Variants in MACROD2 observed in about 807,000 individuals in gnomAD.
The protein encoded by MACROD2 is ADP-ribose glycohydrolase MACROD2.
MACROD2 carries 36 observed loss-of-function variants against 70.4 expected under a neutral mutation model. That is an observed-to-expected ratio of 0.51 (90% confidence interval 0.39 to 0.68). MACROD2 has a LOEUF of 0.68. Among genes scored for constraint, MACROD2 ranks in the 30% least tolerant of loss-of-function variants. The pLI is 0.00. For synonymous variants in MACROD2, 172 were observed against 178.8 expected, an observed-to-expected ratio of 0.96 and a Z score of 0.30; for missense variants, 496 against 538.4, an observed-to-expected ratio of 0.92 and a Z score of 0.78.
intron 5 of MACROD2, among the ~76,000 whole-genome samples, chr20:14,861,816 C>T (rs975491891): frequency 6.7e-6 from 1 of 148,272 alleles, no homozygotes; most frequent in African/African-American, 2.5e-5. Flanking sequence ...CTCTTGACAA[C>T]GTTCCTTCTT....
chr20:15,273,781 G>C (rs2077366736), intron 6 of MACROD2, among the ~76,000 whole-genome samples: 1 of 151,986 alleles, frequency 6.6e-6, no homozygotes, highest in African/African-American at 2.4e-5. Context: ...TCAAATCATA[G>C]ACTCTGACAA....
rs916030688 is a variant in MACROD2, at chr20:14,937,856, C to T, written c.418+252897C>T. ...CTCCCACCCCCTTACCCTTCCTAGC[C>T]TCTAGTAACCACCAATCTACTCTAT... On this transcript the variant is annotated intron_variant, in intron 5 of 17. Transcript: ENST00000684519. 2.6e-5 allele frequency among the ~76,000 whole-genome samples: 4 copies of T among 152,072 alleles called. No individual in the cohort carries two copies. In the East Asian group the frequency reaches 7.7e-4, roughly 29 times the overall value.
Position 14,399,021 on chromosome 20 carries a change from A to ATT in MACROD2, c.272-94443_272-94442dup, listed in dbSNP as rs57218208. ...AAAAAGTTTTTATGCCTCAATGAGT[A>ATT]TTTTTTTTTTTTTTTTGAGGTGGAG... On this transcript the variant is annotated intron_variant, in intron 3 of 17. Transcript: ENST00000684519. Among the ~76,000 whole-genome samples, 172 of 139,098 alleles carry ATT rather than the reference A, an allele frequency of 1.2e-3. 1 individual carries two copies. The highest frequency in any genetic ancestry group is 2.6e-3 in the African/African-American group (98 of 37,910). 91.3% of individuals were successfully genotyped at this position (139,098 alleles called of 152,430 possible). A position where few individuals can be genotyped will look rare whatever the true frequency, so the allele number is the denominator to read the frequency against.
intron 3 of MACROD2, among the ~76,000 whole-genome samples, chr20:14,262,490 A>T (rs2082108900): frequency 6.6e-6 from 1 of 152,232 alleles, no homozygotes; most frequent in Non-Finnish European, 1.5e-5. Flanking sequence ...AAGTGTCTTG[A>T]CTAAAGTTCG....
chr20:15,856,587 C>T (rs2147155027), intron 8 of MACROD2, among the ~76,000 whole-genome samples: 1 of 152,246 alleles, frequency 6.6e-6, no homozygotes, highest in South Asian at 2.1e-4. Flanking sequence ...TTTGTCTAAA[C>T]ATATACTCTG....
At chr20:14,099,735 A>G (rs2054273554) in intron 3 of MACROD2, among the ~76,000 whole-genome samples, 1 of 152,184 alleles carries the variant, frequency 6.6e-6, no homozygotes, top group Non-Finnish European at 1.5e-5. Flanking sequence ...GGATATATGC[A>G]TAGGACACTG....
intron 5 of MACROD2, among the ~76,000 whole-genome samples, chr20:14,723,753 C>A (rs1480655102): frequency 6.6e-6 from 1 of 151,716 alleles, no homozygotes; most frequent in African/African-American, 2.4e-5. Context: ...TGTATCTGGT[C>A]ATATCCCTTG....
intron 3 of MACROD2, among the ~76,000 whole-genome samples, chr20:14,206,880 A>G (rs774355108): frequency 3.3e-5 from 5 of 152,118 alleles, no homozygotes; most frequent in Admixed American, 6.5e-5. Context: ...ATATTTCTTA[A>G]CTGAGTACAT....
At chr20:14,467,328 T>A (rs1228971310) in intron 3 of MACROD2, among the ~76,000 whole-genome samples, 8 of 152,102 alleles carry the variant, frequency 5.3e-5, no homozygotes, top group Admixed American at 5.2e-4. Flanking sequence ...CGTAGGACCC[T>A]CCGAGCCAGT....
At chr20:14,595,568 C>A (rs547642625) in intron 4 of MACROD2, among the ~76,000 whole-genome samples, 1 of 152,240 alleles carries the variant, frequency 6.6e-6, no homozygotes, top group Non-Finnish European at 1.5e-5. Context: ...TTCTTTAACC[C>A]CTCCATATTT....
intron 15 of MACROD2, among the ~76,000 whole-genome samples, chr20:16,003,074 C>CA (rs1568700473): frequency 6.4e-4 from 24 of 37,666 alleles, no homozygotes; most frequent in African/African-American, 1.3e-3. Context: ...GAAAACCCAC[C>CA]CACCCACCCA....
In MACROD2 at chr20:14,006,451, G is replaced by T. The variant is rs139242231; in HGVS notation, c.163+4047G>T. Among the ~76,000 whole-genome samples the T allele has an allele frequency of 4.0e-3, 615 of 152,100 alleles. 1 individual carries two copies. Among genetic ancestry groups the T allele is most frequent in the East Asian group, 0.01 (52 of 5,182 alleles). Reference sequence around the variant, plus strand: ...TCTATAAATGAGTATCTGTGTATATGCATATGTATGTATCTCTAAAAGATG... The same window carrying T: ...TCTATAAATGAGTATCTGTGTATATTCATATGTATGTATCTCTAAAAGATG... On this transcript the variant is annotated intron_variant, in intron 2 of 17. Coordinates refer to ENST00000684519, the MANE Select transcript of MACROD2 (RefSeq NM_001351661.2).
At chr20:15,489,622 C>T (rs763768766) in intron 7 of MACROD2, among the ~76,000 whole-genome samples, 4 of 152,196 alleles carry the variant, frequency 2.6e-5, no homozygotes, top group Non-Finnish European at 4.4e-5. Flanking sequence ...GTCCTCTGGG[C>T]ATAGCTTATG....
chr20:15,852,984 C>T (rs149519688), intron 8 of MACROD2, among the ~76,000 whole-genome samples: 6 of 152,076 alleles, frequency 3.9e-5, no homozygotes, highest in African/African-American at 1.2e-4. Flanking sequence ...GCACTCCAGC[C>T]GGAAGGACAG....
intron 3 of MACROD2, among the ~76,000 whole-genome samples, chr20:14,405,409 A>T (rs2083681330): frequency 1.3e-5 from 2 of 152,168 alleles, no homozygotes; most frequent in African/African-American, 2.4e-5. Flanking sequence ...TAAGTTCAAA[A>T]TATGTGTGTT....
At chr20:14,992,892 C>T (rs1008008492) in intron 5 of MACROD2, among the ~76,000 whole-genome samples, 2 of 151,370 alleles carry the variant, frequency 1.3e-5, no homozygotes, top group East Asian at 1.9e-4. Context: ...AAGTCCATAA[C>T]GATAGCTTTC....
At chr20:15,562,869 G>A (rs2048263049) in intron 8 of MACROD2, among the ~76,000 whole-genome samples, 1 of 152,204 alleles carries the variant, frequency 6.6e-6, no homozygotes, top group African/African-American at 2.4e-5. Flanking sequence ...CCTTAGAAAG[G>A]AGATAGTTGC....
chr20:15,209,911 A>C (rs1374443267), intron 5 of MACROD2, among the ~76,000 whole-genome samples: 1 of 152,226 alleles, frequency 6.6e-6, no homozygotes, highest in African/African-American at 2.4e-5. Context: ...TTCTAATGCC[A>C]GGATGGTTCT....
chr20:14,085,703 A>C lies in MACROD2; in HGVS notation c.246A>C (p.Leu82=). The C allele has an allele frequency of 2.6e-6, 4 of 1,563,906 alleles. No homozygotes were observed. The highest frequency in any genetic ancestry group is 3.5e-6 in the Non-Finnish European group (4 of 1,154,194). ...TCTATAGAGGTGACATCACATTGCT[A>C]GAGGTAGATGCTATAGTCAATGCCG... ...VSLYRGDITL[L]EVDAIVNAAN... The change falls in exon 3 of 18, where the codon CTA becomes CTC. Residue 82 remains leucine, a synonymous_variant. Coordinates refer to ENST00000684519, the MANE Select transcript of MACROD2 (RefSeq NM_001351661.2).
Sources: allele counts gnomAD v4.1 joint callset (sites outside exome capture counted in the v4.1 genomes callset), GRCh38; gene constraint gnomAD v4.1.1; transcripts MANE v1.5; gene names NCBI Gene and HGNC (gene_info 2026-07-23, HGNC 2026-07-21).